Variants in ZNF644 observed in about 807,000 individuals in gnomAD.
ZNF644 encodes the protein zinc finger motif enhancer binding protein 2.
A neutral mutation model predicts 108.0 loss-of-function variants in ZNF644; 20 were observed. That is an observed-to-expected ratio of 0.19 (90% CI 0.13 to 0.27). The LOEUF (loss-of-function observed/expected upper bound fraction) is 0.27. ZNF644 is among the 10% of genes least tolerant of loss of function. The pLI, the probability that ZNF644 is intolerant of heterozygous loss-of-function variation, is 1.00. For missense variants in ZNF644, 1,338 were observed against 1,548.9 expected, an observed-to-expected ratio of 0.86 and a Z score of 2.29; for synonymous variants, 542 against 539.1, an observed-to-expected ratio of 1.01 and a Z score of -0.08.
At chr1:91,007,679 AGT>A (rs1288133085) in intron 1 of ZNF644, among the ~76,000 whole-genome samples, 1 of 152,070 alleles carries the variant, frequency 6.6e-6, no homozygotes, top group Non-Finnish European at 1.5e-5. Context: ...TCTTCTATGA[AGT>A]GTTTCATATT....
intron 1 of ZNF644, among the ~76,000 whole-genome samples, chr1:90,995,589 T>C (rs1658072892): frequency 6.6e-6 from 1 of 152,018 alleles, no homozygotes; most frequent in Non-Finnish European, 1.5e-5. Context: ...TGCATATATA[T>C]CATAGTCAAG....
chr1:90,991,296 G>C (rs751673311), intron 1 of ZNF644, among the ~76,000 whole-genome samples: 1 of 151,980 alleles, frequency 6.6e-6, no homozygotes, highest in Non-Finnish European at 1.5e-5. Flanking sequence ...TGGTGAACAA[G>C]TGGAGGAACT....
chr1:90,952,457 TACA>T (rs1267613552), intron 2 of ZNF644, among the ~76,000 whole-genome samples: 1 of 152,156 alleles, frequency 6.6e-6, no homozygotes, highest in Non-Finnish European at 1.5e-5. Context: ...GAGAGGTCTA[TACA>T]ACAACTAGGC....
At chr1:90,933,993 T>C (rs555129329) in intron 4 of ZNF644, among the ~76,000 whole-genome samples, 27 of 152,208 alleles carry the variant, frequency 1.8e-4, no homozygotes, top group Non-Finnish European at 2.6e-4. Flanking sequence ...GCATAGTGCC[T>C]GACACATAGT....
At chr1:90,992,077 T>C (rs1376258888) in intron 1 of ZNF644, among the ~76,000 whole-genome samples, 3 of 152,174 alleles carry the variant, frequency 2.0e-5, no homozygotes, top group African/African-American at 2.4e-5. Flanking sequence ...TGTTGATTTA[T>C]GTAAAATTCC....
chr1:91,009,420 A>G (rs1311777230), intron 1 of ZNF644, among the ~76,000 whole-genome samples: 1 of 152,148 alleles, frequency 6.6e-6, no homozygotes, highest in African/African-American at 2.4e-5. Context: ...AATAAACCAT[A>G]AGGTACACTC....
In ZNF644 at chr1:90,941,252, A is replaced by T. The variant is rs1263612029; in HGVS notation, c.102T>A (p.Asp34Glu). Reference sequence around the variant, plus strand: ...GGAGTTCTTCTTTAGCACCAGTAATATCGGTGTTTATCTTCAAATCATCCA... The same window carrying T: ...GGAGTTCTTCTTTAGCACCAGTAATTTCGGTGTTTATCTTCAAATCATCCA... ...NNMDDLKINT[D>E]ITGAKEELLD... Residue 34 changes from aspartate to glutamate, a missense_variant, in exon 3 of 6, where the codon GAT (aspartate) becomes GAA (glutamate). Coordinates refer to ENST00000337393, the MANE Select transcript of ZNF644 (RefSeq NM_201269.3). 2.5e-6 allele frequency: 4 copies of T among 1,600,768 alleles called. No homozygotes were observed. In the Admixed American group the frequency reaches 5.3e-5, roughly 21 times the overall value.
chr1:91,016,100 T>C (rs1043904594), intron 1 of ZNF644, among the ~76,000 whole-genome samples: 6 of 152,174 alleles, frequency 3.9e-5, no homozygotes, highest in African/African-American at 1.2e-4. Context: ...ACAATTGCAA[T>C]TGTGATTCTA....
Position 91,014,479 on chromosome 1 carries a change from T to C in ZNF644, c.-18+7511A>G, listed in dbSNP as rs369387923. On this transcript the variant is annotated intron_variant, in intron 1 of 5. Transcript: ENST00000337393. Reference sequence around the variant, plus strand: ...GTTGTTTTCAGATAGCTATAAATTATACAATTTTTCATCTATATTTTACTT... The same window carrying C: ...GTTGTTTTCAGATAGCTATAAATTACACAATTTTTCATCTATATTTTACTT... Among the ~76,000 whole-genome samples the C allele has an allele frequency of 5.3e-5, 8 of 152,348 alleles. No homozygotes were observed. The South Asian group carries it at 1.7e-3, about 32-fold the overall frequency.
At chr1:90,997,730 G>A (rs12741331) in intron 1 of ZNF644, among the ~76,000 whole-genome samples, 24,834 of 152,158 alleles carry the variant, frequency 0.16, 2,256 homozygotes, top group Middle Eastern at 0.28. Context: ...AGCATGAGCC[G>A]AAGCAGGGCG....
At chr1:91,007,225 GTTTTT>G (rs35761791) in intron 1 of ZNF644, among the ~76,000 whole-genome samples, 5 of 55,998 alleles carry the variant, frequency 8.9e-5, no homozygotes, top group African/African-American at 1.5e-4. Flanking sequence ...CTCCCATTTT[GTTTTT>G]TTTTTTTTTT....
chr1:90,945,754 T>C (rs1272733404), intron 2 of ZNF644, among the ~76,000 whole-genome samples: 1 of 152,116 alleles, frequency 6.6e-6, no homozygotes, highest in Non-Finnish European at 1.5e-5. Flanking sequence ...AATTCTTTTC[T>C]GATAGAAAAT....
intron 1 of ZNF644, among the ~76,000 whole-genome samples, chr1:91,014,435 GTTCAAATATTAAAAAAAAGTTGTTT>G (rs1246327314): frequency 5.3e-5 from 8 of 152,062 alleles, no homozygotes; most frequent in Middle Eastern, 3.4e-3. Context: ...ATTTCAAAGT[GTTCAAATATTAAAAAAAAGTTGTTT>G]TCAGATAGCT....
In ZNF644 at chr1:90,968,905, C is replaced by T. The variant is rs533835151; in HGVS notation, c.44+13405G>A. 5.1e-4 allele frequency among the ~76,000 whole-genome samples: 77 copies of T among 152,268 alleles called. 1 individual carries two copies. The highest frequency in any genetic ancestry group is 1.4e-3 in the African/African-American group (60 of 41,546). On this transcript the variant is annotated intron_variant, in intron 2 of 5. Coordinates refer to ENST00000337393, the MANE Select transcript of ZNF644 (RefSeq NM_201269.3). ...TTGCCACAGCAAACCAAAAGTCACACATCTGACTCAATGCACCACATCTTG... is the reference window on the plus strand; with the variant it reads ...TTGCCACAGCAAACCAAAAGTCACATATCTGACTCAATGCACCACATCTTG...
At chr1:90,979,768 C>T (rs2101454205) in intron 2 of ZNF644, among the ~76,000 whole-genome samples, 1 of 152,244 alleles carries the variant, frequency 6.6e-6, no homozygotes, top group Non-Finnish European at 1.5e-5. Flanking sequence ...CTAGTACAAA[C>T]CCACAAAGAA....
chr1:90,950,286 G>A (rs542826376), intron 2 of ZNF644, among the ~76,000 whole-genome samples: 4 of 41,030 alleles, frequency 9.7e-5, no homozygotes, highest in African/African-American at 4.0e-4. Context: ...CAAGGGAAGG[G>A]AAGGGAAGGG....
intron 1 of ZNF644, among the ~76,000 whole-genome samples, chr1:91,015,561 AC>A (rs1660360121): frequency 6.6e-6 from 1 of 152,224 alleles, no homozygotes; most frequent in South Asian, 2.1e-4. Flanking sequence ...TATAACAAAG[AC>A]AAACCAATGC....
chr1:90,961,186 T>C (rs1394540080), intron 2 of ZNF644, among the ~76,000 whole-genome samples: 1 of 151,810 alleles, frequency 6.6e-6, no homozygotes, highest in Non-Finnish European at 1.5e-5. Flanking sequence ...AACACAAGAG[T>C]ATAGTGGCAA....
At chr1:90,922,341 T>C (rs1242991905) in intron 4 of ZNF644, among the ~76,000 whole-genome samples, 2 of 152,152 alleles carry the variant, frequency 1.3e-5, no homozygotes, top group Non-Finnish European at 2.9e-5. Context: ...AGAGGCACAG[T>C]ATACCCCTAC....
Sources: allele counts gnomAD v4.1 joint callset (sites outside exome capture counted in the v4.1 genomes callset), GRCh38; gene constraint gnomAD v4.1.1; transcripts MANE v1.5; gene names NCBI Gene and HGNC (gene_info 2026-07-23, HGNC 2026-07-21).